CDK19: variants seen among roughly 807,000 people sequenced by gnomAD.
The protein encoded by CDK19 is cyclin dependent kinase 19.
CDK19 carries 20 observed loss-of-function variants against 68.3 expected under a neutral mutation model. The observed-to-expected ratio is 0.29, with a 90% CI of 0.21 to 0.43. The LOEUF is 0.43. Ranked by LOEUF, CDK19 falls within the 20% of genes least tolerant of loss-of-function variation. The pLI is 1.00. For synonymous variants in CDK19, 221 were observed against 222.8 expected, an observed-to-expected ratio of 0.99 and a Z score of 0.07; for missense variants, 339 against 623.5, an observed-to-expected ratio of 0.54 and a Z score of 4.86.
chr6:110,778,072 C>A (rs887618331), intron 1 of CDK19, among the ~76,000 whole-genome samples: 1 of 152,000 alleles, frequency 6.6e-6, no homozygotes, highest in African/African-American at 2.4e-5. Context: ...GATGGTAGCA[C>A]AACAATATGA....
intron 1 of CDK19, among the ~76,000 whole-genome samples, chr6:110,774,907 C>T (rs955873111): frequency 6.6e-6 from 1 of 152,104 alleles, no homozygotes; most frequent in African/African-American, 2.4e-5. Context: ...CCTGATCACA[C>T]CACTACACTC....
At chr6:110,674,575 T>G in intron 2 of CDK19, among the ~76,000 whole-genome samples, 1 of 152,152 alleles carries the variant, frequency 6.6e-6, no homozygotes, top group East Asian at 1.9e-4. Context: ...TTTAGTGATC[T>G]GGATAGAAGA....
intron 1 of CDK19, among the ~76,000 whole-genome samples, chr6:110,798,824 C>T (rs1302817111): frequency 1.3e-5 from 2 of 151,748 alleles, no homozygotes; most frequent in Non-Finnish European, 2.9e-5. Flanking sequence ...AAAATCTACA[C>T]ATCCTATATG....
chr6:110,655,161 T>C (rs533350766), intron 4 of CDK19, among the ~76,000 whole-genome samples: 1 of 151,882 alleles, frequency 6.6e-6, no homozygotes, highest in South Asian at 2.1e-4. Flanking sequence ...AGGTCAGAAG[T>C]TCGAGACCAG....
At chr6:110,700,053 T>A (rs143733696) in intron 2 of CDK19, among the ~76,000 whole-genome samples, 97 of 152,334 alleles carry the variant, frequency 6.4e-4, no homozygotes, top group African/African-American at 2.2e-3. Context: ...TCCTGTCAGA[T>A]AAGCAGCAGC....
intron 2 of CDK19, among the ~76,000 whole-genome samples, chr6:110,728,996 T>C (rs1053357751): frequency 1.3e-5 from 2 of 152,202 alleles, no homozygotes; most frequent in East Asian, 1.9e-4. Flanking sequence ...GCCTAGCACA[T>C]AGAATAGGCA....
intron 2 of CDK19, among the ~76,000 whole-genome samples, chr6:110,698,881 G>C (rs1773729484): frequency 6.6e-6 from 1 of 151,660 alleles, no homozygotes; most frequent in Admixed American, 6.6e-5. Flanking sequence ...GACTGACCTG[G>C]GCAAGATGAT....
chr6:110,752,155 C>T (rs1363702334), intron 1 of CDK19, among the ~76,000 whole-genome samples: 1 of 151,860 alleles, frequency 6.6e-6, no homozygotes, highest in Non-Finnish European at 1.5e-5. Context: ...GTAATGATCC[C>T]TTATTTGGAA....
intron 5 of CDK19, among the ~76,000 whole-genome samples, chr6:110,633,749 C>T (rs1307895554): frequency 1.3e-5 from 2 of 152,118 alleles, no homozygotes; most frequent in Non-Finnish European, 1.5e-5. Flanking sequence ...CATATTTCAC[C>T]TCATTGAATC....
At position 110,614,598 on chromosome 6, in the gene CDK19, G is replaced by GC. The variant is rs1778192925; in HGVS notation, c.1445dup (p.Tyr483LeufsTer43). 6.2e-7 allele frequency: 1 copy of GC among 1,613,780 alleles called. No individual in the cohort carries two copies. Among genetic ancestry groups the GC allele is most frequent in the African/African-American group, 1.3e-5 (1 of 75,040 alleles). On this transcript the variant is annotated frameshift_variant, in exon 13 of 13. Coordinates refer to ENST00000368911, the MANE Select transcript of CDK19 (RefSeq NM_015076.5). LOFTEE classifies it high-confidence loss of function. ...AGCTCTGCTGAGACGAGGAAGAGTA[G>GC]CCAAGTGTGCTCTGGGACTGAGAGG...
chr6:110,811,370 A>C (rs1313953974), intron 1 of CDK19, among the ~76,000 whole-genome samples: 1 of 152,132 alleles, frequency 6.6e-6, no homozygotes, highest in African/African-American at 2.4e-5. Flanking sequence ...AACCCTGACA[A>C]AACAAACTCT....
rs1778101312 is a variant in CDK19 at position 110,612,912 on chromosome 6, A to C, written c.*1623T>G. On this transcript the variant is annotated 3_prime_UTR_variant, in exon 13 of 13. Coordinates refer to ENST00000368911, the MANE Select transcript of CDK19 (RefSeq NM_015076.5). ...GCAAAATGTATACTGGCTTCTGTCT[A>C]ATCTTATTTTACTTGTGTATGGACC... 1 of 152,642 alleles carries C rather than the reference A, an allele frequency of 6.6e-6. No homozygotes were observed. The highest frequency in any genetic ancestry group is 6.5e-5 in the Admixed American group (1 of 15,268). 9.5% of individuals were successfully genotyped at this position (152,642 alleles called of 1,614,324 possible).
intron 2 of CDK19, among the ~76,000 whole-genome samples, chr6:110,738,271 A>G (rs939910178): frequency 1.3e-5 from 2 of 152,070 alleles, no homozygotes; most frequent in Non-Finnish European, 2.9e-5. Context: ...GCACTTTGGA[A>G]GGCCAAGGTG....
rs1221866468 is a variant in CDK19, at chr6:110,611,422, T to C, written c.*3113A>G. On this transcript the variant is annotated 3_prime_UTR_variant, in exon 13 of 13. Coordinates refer to ENST00000368911, the MANE Select transcript of CDK19 (RefSeq NM_015076.5). ...CATTTGGGGACCACAAAGGTAAAGT[T>C]TGCCCTCAAAAAGCTTCAAAGGTCT... 6.6e-6 allele frequency: 1 copy of C among 152,232 alleles called. No individual in the cohort carries two copies. The highest frequency in any genetic ancestry group is 1.9e-4 in the East Asian group (1 of 5,194). 9.4% of individuals were successfully genotyped at this position (152,232 alleles called of 1,614,324 possible).
At chr6:110,702,393 G>A (rs1774083826) in intron 2 of CDK19, among the ~76,000 whole-genome samples, 3 of 152,116 alleles carry the variant, frequency 2.0e-5, no homozygotes, top group Admixed American at 2.0e-4. Flanking sequence ...AGGCTACAGA[G>A]TTGTGACTGT....
chr6:110,650,153 T>C (rs1780873774), intron 4 of CDK19, among the ~76,000 whole-genome samples: 1 of 152,226 alleles, frequency 6.6e-6, no homozygotes, highest in Non-Finnish European at 1.5e-5. Flanking sequence ...TAGAACAGGA[T>C]GCCATTTCAT....
chr6:110,687,264 C>A (rs1235513923), intron 2 of CDK19, among the ~76,000 whole-genome samples: 2 of 152,112 alleles, frequency 1.3e-5, no homozygotes, highest in African/African-American at 4.8e-5. Flanking sequence ...TGGTCAGACA[C>A]CCCACCCCAG....
rs1778721404 is a variant in CDK19 at position 110,621,589 on chromosome 6, A to G, written c.1111-219T>C. On this transcript the variant is annotated intron_variant, in intron 11 of 12. Coordinates refer to ENST00000368911, the MANE Select transcript of CDK19 (RefSeq NM_015076.5). This position sits in a 1 kb window ranked among gnomAD's most constrained non-coding sequence, Gnocchi z 5.4. Reference sequence around the variant, plus strand: ...AAACAGGACTCTTTCCCTGAAGTTCATTTAGACTGCACAGTGATCCTCCAA... The same window carrying G: ...AAACAGGACTCTTTCCCTGAAGTTCGTTTAGACTGCACAGTGATCCTCCAA... Among the ~76,000 whole-genome samples the G allele has an allele frequency of 2.0e-5, 3 of 152,204 alleles. No individual in the cohort carries two copies. The highest frequency in any genetic ancestry group is 2.0e-4 in the Admixed American group (3 of 15,280).
At chr6:110,784,078 G>A (rs138583195) in intron 1 of CDK19, among the ~76,000 whole-genome samples, 55 of 149,986 alleles carry the variant, frequency 3.7e-4, no homozygotes, top group Middle Eastern at 3.5e-3. Flanking sequence ...AGAATTGCTT[G>A]AGCTGGGGAG....
Sources: gnomAD v4.1 joint callset for allele counts (sites outside exome capture counted in the v4.1 genomes callset) on GRCh38, gnomAD v4.1.1 for gene constraint, Gnocchi (gnomAD v3.1) non-coding constraint, MANE v1.5 for transcripts, NCBI Gene and HGNC (gene_info 2026-07-23, HGNC 2026-07-21) for gene names.